Variants in MEIKIN observed in about 807,000 individuals in gnomAD.
MEIKIN encodes meiotic kinetochore factor, also known as meiosis-specific kinetochore protein.
At chr5:131,835,817 T>C (rs1376133825) in intron 11 of MEIKIN, among the ~76,000 whole-genome samples, 1 of 152,152 alleles carries the variant, frequency 6.6e-6, no homozygotes, top group African/African-American at 2.4e-5. Context: ...ATGGTCTCAA[T>C]CTCCTGACCT....
At chr5:131,934,881 C>A (rs1751747591) in intron 4 of MEIKIN, among the ~76,000 whole-genome samples, 1 of 151,536 alleles carries the variant, frequency 6.6e-6, no homozygotes, top group Admixed American at 6.6e-5. Flanking sequence ...CATGGTGAAA[C>A]CCCATCTCTA....
rs62384084 is a variant in MEIKIN at position 131,869,669 on chromosome 5, C to T, written c.774+9309G>A. On this transcript the variant is annotated intron_variant, in intron 9 of 12. Transcript: ENST00000442687. ...GCTAGAAGCATGAGAGGATTTTACT[C>T]TAACATTTACTATGAAGACCTGATG... Among the ~76,000 whole-genome samples, 332 of 152,350 alleles carry T rather than the reference C, an allele frequency of 2.2e-3. 1 individual carries two copies. The highest frequency in any genetic ancestry group is 7.5e-3 in the Admixed American group (115 of 15,304).
At chr5:131,818,976 C>G in intron 11 of MEIKIN, 113 bp from the exon 12 acceptor site, 1 of 384,082 alleles carries the variant, frequency 2.6e-6, no homozygotes. Flanking sequence ...ATATTAATAA[C>G]AGCAAGCATT....
At chr5:131,808,708 T>C (rs1171791370) in intron 12 of MEIKIN, among the ~76,000 whole-genome samples, 1 of 152,206 alleles carries the variant, frequency 6.6e-6, no homozygotes, top group Non-Finnish European at 1.5e-5. Flanking sequence ...AAACTCCCAC[T>C]TGGCCTTTTT....
intron 3 of MEIKIN, 107 bp from the exon 4 acceptor site, chr5:131,942,802 A>G: frequency 7.8e-6 from 3 of 383,772 alleles, no homozygotes; most frequent in South Asian, 1.4e-4. Flanking sequence ...TCAACTTTTT[A>G]TATGTTTCAT....
intron 9 of MEIKIN, among the ~76,000 whole-genome samples, chr5:131,864,731 T>C (rs1309096691): frequency 1.3e-5 from 2 of 152,246 alleles, no homozygotes; most frequent in Non-Finnish European, 2.9e-5. Flanking sequence ...GGGAAATCAC[T>C]GAGCCTCCTG....
intron 11 of MEIKIN, among the ~76,000 whole-genome samples, chr5:131,847,372 G>A (rs1187311105): frequency 6.6e-6 from 1 of 151,990 alleles, no homozygotes; most frequent in Non-Finnish European, 1.5e-5. Context: ...CATGTAAATA[G>A]TAACAAAAGA....
At chr5:131,887,566 T>C (rs564190301) in intron 8 of MEIKIN, among the ~76,000 whole-genome samples, 2 of 152,318 alleles carry the variant, frequency 1.3e-5, no homozygotes, top group African/African-American at 4.8e-5. Context: ...GTGCTTTTGA[T>C]TTGCATTTAT....
intron 6 of MEIKIN, among the ~76,000 whole-genome samples, chr5:131,920,848 T>C (rs1751492520): frequency 2.6e-5 from 4 of 152,010 alleles, no homozygotes; most frequent in Admixed American, 2.6e-4. Context: ...ACTACAGGCG[T>C]GCACCATCAC....
chr5:131,865,732 G>C (rs1272696186), intron 9 of MEIKIN, among the ~76,000 whole-genome samples: 1 of 152,230 alleles, frequency 6.6e-6, no homozygotes, highest in African/African-American at 2.4e-5. Context: ...TGGTAGGCTA[G>C]AGCACATTTG....
At chr5:131,877,773 C>G (rs554255358) in intron 9 of MEIKIN, among the ~76,000 whole-genome samples, 2 of 152,316 alleles carry the variant, frequency 1.3e-5, no homozygotes, top group African/African-American at 4.8e-5. Flanking sequence ...GCACCCTGCC[C>G]CCCAGTCACC....
chr5:131,876,645 G>T (rs1162052508), intron 9 of MEIKIN, among the ~76,000 whole-genome samples: 1 of 150,642 alleles, frequency 6.6e-6, no homozygotes, highest in African/African-American at 2.5e-5. Flanking sequence ...CCCATTACTG[G>T]GTATATACCC....
chr5:131,877,574 G>T (rs1402513341), intron 9 of MEIKIN, among the ~76,000 whole-genome samples: 1 of 152,088 alleles, frequency 6.6e-6, no homozygotes, highest in African/African-American at 2.4e-5. Context: ...GTCTGAGGAG[G>T]TCAAGTTTAC....
chr5:131,853,358 C>T (rs1750146295), intron 10 of MEIKIN, among the ~76,000 whole-genome samples: 7 of 152,146 alleles, frequency 4.6e-5, no homozygotes, highest in Admixed American at 3.3e-4. Flanking sequence ...CCCCACACTG[C>T]TATGTAAGCC....
intron 11 of MEIKIN, among the ~76,000 whole-genome samples, chr5:131,819,114 G>A (rs1205210740): frequency 1.3e-5 from 2 of 152,160 alleles, no homozygotes; most frequent in Non-Finnish European, 2.9e-5. Flanking sequence ...GTTTCAGAGA[G>A]ATTGACTTAC....
intron 5 of MEIKIN, among the ~76,000 whole-genome samples, chr5:131,927,838 A>G (rs1399564332): frequency 6.6e-6 from 1 of 152,130 alleles, no homozygotes; most frequent in Admixed American, 6.6e-5. Context: ...TTTTTAGTGT[A>G]TGTATCCTTA....
chr5:131,911,736 G>C, intron 8 of MEIKIN, 79 bp downstream of exon 8: 1 of 391,584 alleles, frequency 2.6e-6, no homozygotes, highest in Non-Finnish European at 4.5e-6. Context: ...GTTGCAGGTA[G>C]CAAAAATAAA....
At chr5:131,887,977 G>A (rs1198944302) in intron 8 of MEIKIN, among the ~76,000 whole-genome samples, 1 of 134,494 alleles carries the variant, frequency 7.4e-6, no homozygotes, top group East Asian at 2.2e-4. Flanking sequence ...TTTTGTCCTT[G>A]TGATAGTTTG....
chr5:131,934,069 A>G (rs1235856424), intron 4 of MEIKIN, among the ~76,000 whole-genome samples: 1 of 151,922 alleles, frequency 6.6e-6, no homozygotes, highest in Non-Finnish European at 1.5e-5. Context: ...CTCCTGCCTC[A>G]GCCTCCCGAG....
Sources: allele counts gnomAD v4.1 joint callset (sites outside exome capture counted in the v4.1 genomes callset), GRCh38; gene constraint gnomAD v4.1.1; transcripts MANE v1.5; gene names NCBI Gene and HGNC (gene_info 2026-07-23, HGNC 2026-07-21).